Variants in INPP4B observed in about 807,000 individuals in gnomAD.
INPP4B encodes inositol polyphosphate-4-phosphatase type II B.
INPP4B carries 55 observed loss-of-function variants against 122.5 expected under a neutral mutation model. That is an observed-to-expected ratio of 0.45 (90% CI 0.36 to 0.56). INPP4B has a LOEUF of 0.56. Ranked by LOEUF, INPP4B falls within the 20% of genes least tolerant of loss-of-function variation. The pLI, the probability that INPP4B is intolerant of heterozygous loss-of-function variation, is 0.00. For synonymous variants in INPP4B, 403 were observed against 388.7 expected (o/e 1.04, Z -0.43); for missense variants, 1,000 against 1,097.7 (o/e 0.91, Z 1.26).
At chr4:142,040,871 T>C (rs1470115767) in intron 25 of INPP4B, among the ~76,000 whole-genome samples, 2 of 152,198 alleles carry the variant, frequency 1.3e-5, no homozygotes, top group African/African-American at 2.4e-5. Flanking sequence ...GAGTCTGGGA[T>C]AACTTTAATT....
intron 10 of INPP4B, among the ~76,000 whole-genome samples, chr4:142,268,117 A>T (rs984774570): frequency 2.0e-5 from 3 of 151,460 alleles, no homozygotes; most frequent in Admixed American, 2.0e-4. Context: ...AAATCAGGAG[A>T]CTGAGACCAT....
At chr4:142,169,803 T>A (rs1214727036) in intron 16 of INPP4B, among the ~76,000 whole-genome samples, 1 of 151,714 alleles carries the variant, frequency 6.6e-6, no homozygotes, top group Non-Finnish European at 1.5e-5. Context: ...CATATCTATG[T>A]AGTATTTGTC....
intron 1 of INPP4B, among the ~76,000 whole-genome samples, chr4:142,743,376 A>T (rs1274915744): frequency 6.6e-6 from 1 of 152,018 alleles, no homozygotes; most frequent in African/African-American, 2.4e-5. Flanking sequence ...GAAGCCAGAA[A>T]GGAAGTAGCT....
chr4:142,136,629 G>A (rs1376512131), intron 18 of INPP4B, among the ~76,000 whole-genome samples: 3 of 152,186 alleles, frequency 2.0e-5, no homozygotes, highest in Non-Finnish European at 4.4e-5. Context: ...GGCAGGGTGA[G>A]GTGGAAGGAG....
intron 5 of INPP4B, among the ~76,000 whole-genome samples, chr4:142,412,458 G>A (rs1307364833): frequency 7.2e-5 from 11 of 152,166 alleles, no homozygotes; most frequent in South Asian, 4.1e-4. Flanking sequence ...ATGCTTCCTA[G>A]GCTCAGTGCA....
chr4:142,527,685 A>G (rs1412252605), intron 2 of INPP4B, among the ~76,000 whole-genome samples: 1 of 152,058 alleles, frequency 6.6e-6, no homozygotes, highest in Non-Finnish European at 1.5e-5. Flanking sequence ...GAAATTAACA[A>G]TTCATCTGAT....
At chr4:142,610,695 C>T (rs1281077902) in intron 2 of INPP4B, among the ~76,000 whole-genome samples, 3 of 152,054 alleles carry the variant, frequency 2.0e-5, no homozygotes, top group East Asian at 1.9e-4. Flanking sequence ...CACGTGATCA[C>T]CAACTTTGAA....
At chr4:142,155,047 C>CAT (rs1450644611) in intron 17 of INPP4B, among the ~76,000 whole-genome samples, 3 of 151,452 alleles carry the variant, frequency 2.0e-5, no homozygotes, top group East Asian at 3.9e-4. Context: ...TATATACACA[C>CAT]ATATATATGC....
intron 1 of INPP4B, among the ~76,000 whole-genome samples, chr4:142,730,296 T>C (rs1365399705): frequency 6.6e-6 from 1 of 152,316 alleles, no homozygotes; most frequent in Non-Finnish European, 1.5e-5. Context: ...CATCATATGA[T>C]ATTAGTTTTT....
At position 142,609,752 on chromosome 4, in the gene INPP4B, C is replaced by T. The variant is rs544346002; in HGVS notation, c.-191+116087G>A. 5.3e-5 allele frequency among the ~76,000 whole-genome samples: 8 copies of T among 152,306 alleles called. No homozygotes were observed. In the South Asian group the frequency reaches 1.7e-3, roughly 32 times the overall value. Reference sequence around the variant, plus strand: ...CTAATTTCACACATACTCATTTTCTCTTGAATAGGAAAACTGTTTCTTGAA... The same window carrying T: ...CTAATTTCACACATACTCATTTTCTTTTGAATAGGAAAACTGTTTCTTGAA... On this transcript the variant is annotated intron_variant, in intron 2 of 25. Transcript: ENST00000262992.
At chr4:142,309,833 G>C (rs1350520406) in intron 8 of INPP4B, among the ~76,000 whole-genome samples, 1 of 152,202 alleles carries the variant, frequency 6.6e-6, no homozygotes. Context: ...TAGCTGGAGA[G>C]TAATATCAAA....
chr4:142,374,328 T>C (rs565230963), intron 7 of INPP4B, among the ~76,000 whole-genome samples: 17 of 151,964 alleles, frequency 1.1e-4, no homozygotes, highest in Non-Finnish European at 2.4e-4. Flanking sequence ...TAAGCAAAGA[T>C]GCATTTTGTA....
At chr4:142,729,169 C>T (rs13117185) in intron 1 of INPP4B, among the ~76,000 whole-genome samples, 100,633 of 152,022 alleles carry the variant, frequency 0.66, 33,497 homozygotes, top group East Asian at 0.81. Context: ...ATGCTGCAGC[C>T]GATGTAACAA....
At position 142,837,081 on chromosome 4, in the gene INPP4B, T is replaced by C. The variant is rs1474994249; in HGVS notation, c.-254+9128A>G. ...CTTGGGAGGAGAATCACTCAAACCC[T>C]GGAGGCGGAGGTTACAGTGAGCCGA... On this transcript the variant is annotated intron_variant, in intron 1 of 25. Transcript: ENST00000262992. 5.3e-5 allele frequency among the ~76,000 whole-genome samples: 8 copies of C among 151,648 alleles called. No homozygotes were observed. The South Asian group carries it at 8.3e-4, about 16-fold the overall frequency.
chr4:142,793,374 CAGTT>C (rs1316495751), intron 1 of INPP4B, among the ~76,000 whole-genome samples: 2 of 152,078 alleles, frequency 1.3e-5, no homozygotes, highest in Non-Finnish European at 2.9e-5. Flanking sequence ...AATAGAAACT[CAGTT>C]AGTGTTAAGC....
intron 25 of INPP4B, among the ~76,000 whole-genome samples, chr4:142,068,880 A>C (rs1230344640): frequency 3.3e-5 from 5 of 152,180 alleles, no homozygotes; most frequent in Admixed American, 3.3e-4. Context: ...CACAATAATA[A>C]TGGGAGACTT....
chr4:142,149,601 G>A (rs1312625496), intron 17 of INPP4B, among the ~76,000 whole-genome samples: 1 of 152,132 alleles, frequency 6.6e-6, no homozygotes, highest in Admixed American at 6.5e-5. Flanking sequence ...GTCAGGTAGA[G>A]GTGTGTGCCA....
intron 2 of INPP4B, among the ~76,000 whole-genome samples, chr4:142,542,006 G>A (rs148945864): frequency 2.2e-3 from 332 of 152,280 alleles, no homozygotes; most frequent in African/African-American, 7.7e-3. Flanking sequence ...CCTGTGAACA[G>A]TTTCCCCAAG....
At chr4:142,595,996 A>G (rs893096911) in intron 2 of INPP4B, among the ~76,000 whole-genome samples, 2 of 151,830 alleles carry the variant, frequency 1.3e-5, no homozygotes, top group African/African-American at 4.8e-5. Flanking sequence ...TTACAGCCAC[A>G]CACCACCATG....
Sources: allele counts gnomAD v4.1 joint callset (sites outside exome capture counted in the v4.1 genomes callset), GRCh38; gene constraint gnomAD v4.1.1; transcripts MANE v1.5; gene names NCBI Gene and HGNC (gene_info 2026-07-23, HGNC 2026-07-21).